ZFPM2: variants seen among roughly 807,000 people sequenced by gnomAD.
ZFPM2 encodes zinc finger protein ZFPM2.
ZFPM2 carries 20 observed loss-of-function variants against 98.6 expected under a neutral mutation model. The observed-to-expected ratio is 0.20, with a 90% CI of 0.14 to 0.29. The LOEUF is 0.29. Among genes scored for constraint, ZFPM2 ranks in the 10% least tolerant of loss-of-function variants. ZFPM2 has a pLI of 1.00. For missense variants in ZFPM2, 1,310 were observed against 1,388.6 expected (o/e 0.94, Z 0.90); for synonymous variants, 518 against 502.7 (o/e 1.03, Z -0.41).
At chr8:105,481,776 A>G (rs6980988) in intron 3 of ZFPM2, among the ~76,000 whole-genome samples, 2,965 of 152,252 alleles carry the variant, frequency 0.019, 96 homozygotes, top group African/African-American at 0.068. Context: ...CCTTTATTAG[A>G]TTGACCTCTA....
At chr8:105,451,550 T>C (rs1350282990) in intron 3 of ZFPM2, 1 of 152,180 alleles carries the variant, frequency 6.6e-6, no homozygotes, top group African/African-American at 2.4e-5. Flanking sequence ...ACTGCTCTTC[T>C]CTGGGAGACA....
intron 5 of ZFPM2, among the ~76,000 whole-genome samples, chr8:105,642,937 T>C (rs1376863078): frequency 6.6e-6 from 1 of 152,132 alleles, no homozygotes; most frequent in East Asian, 1.9e-4. Context: ...TGTTCATGAG[T>C]GTATCTGTTC....
At chr8:105,336,303 C>T (rs1409563623) in intron 1 of ZFPM2, among the ~76,000 whole-genome samples, 1 of 151,650 alleles carries the variant, frequency 6.6e-6, no homozygotes, top group Non-Finnish European at 1.5e-5. Flanking sequence ...CGAGTTTACA[C>T]ATGTAAATCG....
intron 3 of ZFPM2, among the ~76,000 whole-genome samples, chr8:105,551,730 T>G (rs887175862): frequency 6.6e-6 from 1 of 152,164 alleles, no homozygotes; most frequent in African/African-American, 2.4e-5. Flanking sequence ...AGATCTTTAC[T>G]TCCAGGCAAA....
chr8:105,336,664 A>G (rs1812329995), intron 1 of ZFPM2, among the ~76,000 whole-genome samples: 1 of 150,688 alleles, frequency 6.6e-6, no homozygotes, highest in Admixed American at 6.7e-5. Flanking sequence ...TATAAGATAG[A>G]TTGATATTAA....
chr8:105,360,602 T>A (rs1372645769), intron 1 of ZFPM2, among the ~76,000 whole-genome samples: 1 of 151,078 alleles, frequency 6.6e-6, no homozygotes, highest in Non-Finnish European at 1.5e-5. Flanking sequence ...TAGGTATATC[T>A]CCCAGTGCTA....
chr8:105,318,724 C>T lies in ZFPM2; in HGVS notation c.-218C>T, dbSNP rs1811954492. 1 of 152,856 alleles carries T rather than the reference C, an allele frequency of 6.5e-6. No homozygotes were observed. The highest frequency in any genetic ancestry group is 2.4e-5 in the African/African-American group (1 of 41,332). The allele number at this position is 152,856 out of a possible 1,614,324, so 9.5% of individuals were successfully genotyped here. On this transcript the variant is annotated 5_prime_UTR_variant, in exon 1 of 8. Coordinates refer to ENST00000407775, the MANE Select transcript of ZFPM2 (RefSeq NM_012082.4). ...CCTCCCCTCCTCACTGTCACACTCT[C>T]TGTGCCCCCGTCTCTCTTCTCTCAT...
chr8:105,726,595 G>C (rs1041386664), intron 5 of ZFPM2, among the ~76,000 whole-genome samples: 1 of 151,762 alleles, frequency 6.6e-6, no homozygotes, highest in African/African-American at 2.4e-5. Flanking sequence ...GCAAGTACTG[G>C]TCAAGGCGAT....
chr8:105,660,290 A>G (rs1817362967), intron 5 of ZFPM2, among the ~76,000 whole-genome samples: 1 of 151,992 alleles, frequency 6.6e-6, no homozygotes, highest in Non-Finnish European at 1.5e-5. Context: ...AGAGGGGAAA[A>G]CCTTCCTGGA....
At chr8:105,394,048 C>T (rs1368555274) in intron 1 of ZFPM2, among the ~76,000 whole-genome samples, 7 of 151,982 alleles carry the variant, frequency 4.6e-5, no homozygotes, top group Non-Finnish European at 8.8e-5. Flanking sequence ...CGCCTGCCAC[C>T]ATGCCCGGCT....
intron 3 of ZFPM2, among the ~76,000 whole-genome samples, chr8:105,524,856 G>GA (rs969911231): frequency 2.6e-5 from 4 of 151,994 alleles, no homozygotes; most frequent in African/African-American, 9.7e-5. Flanking sequence ...TGTAGAGGGA[G>GA]AAAAAAAGAT....
chr8:105,466,335 G>T (rs1486733084), intron 3 of ZFPM2, among the ~76,000 whole-genome samples: 1 of 151,902 alleles, frequency 6.6e-6, no homozygotes, highest in African/African-American at 2.4e-5. Context: ...CTATTTTAAT[G>T]CACATGTGTT....
chr8:105,761,215 G>T (rs147046165), intron 5 of ZFPM2, among the ~76,000 whole-genome samples: 2 of 149,146 alleles, frequency 1.3e-5, no homozygotes, highest in Admixed American at 6.7e-5. Flanking sequence ...GACCAGTGTC[G>T]CAGGACAGTA....
chr8:105,719,081 A>G (rs1025148183), intron 5 of ZFPM2, among the ~76,000 whole-genome samples: 2 of 151,890 alleles, frequency 1.3e-5, no homozygotes, highest in African/African-American at 4.8e-5. Flanking sequence ...TTGATTTTTA[A>G]CCACGTTCTA....
intron 3 of ZFPM2, among the ~76,000 whole-genome samples, chr8:105,469,348 A>G (rs1237711729): frequency 6.6e-6 from 1 of 152,058 alleles, no homozygotes; most frequent in Non-Finnish European, 1.5e-5. Context: ...TCTGTTTTAC[A>G]TCTCTTTACT....
intron 5 of ZFPM2, among the ~76,000 whole-genome samples, chr8:105,668,371 G>A (rs1346886196): frequency 1.3e-5 from 2 of 152,108 alleles, no homozygotes; most frequent in Non-Finnish European, 2.9e-5. Context: ...TTTCTACCTT[G>A]CAAAGTAGCA....
chr8:105,650,111 C>G (rs530711769), intron 5 of ZFPM2, among the ~76,000 whole-genome samples: 39 of 152,080 alleles, frequency 2.6e-4, no homozygotes, highest in African/African-American at 8.2e-4. Context: ...TTGGGAGGGT[C>G]TATGTGTCGA....
At chr8:105,365,635 C>A (rs1417153305) in intron 1 of ZFPM2, among the ~76,000 whole-genome samples, 1 of 152,090 alleles carries the variant, frequency 6.6e-6, no homozygotes, top group Admixed American at 6.6e-5. Context: ...TTTGCTTGTT[C>A]ATTTAGCAAA....
chr8:105,729,152 A>G (rs758383417), intron 5 of ZFPM2, among the ~76,000 whole-genome samples: 3 of 151,790 alleles, frequency 2.0e-5, no homozygotes, highest in Admixed American at 6.6e-5. Flanking sequence ...TTTTCGATAT[A>G]GAAATGTTAC....
Sources: gnomAD v4.1 joint callset for allele counts (sites outside exome capture counted in the v4.1 genomes callset) on GRCh38, gnomAD v4.1.1 for gene constraint, MANE v1.5 for transcripts, NCBI Gene and HGNC (gene_info 2026-07-23, HGNC 2026-07-21) for gene names.